The following EXOC4 variants were observed in gnomAD, a reference collection of about 807,000 sequenced individuals.
EXOC4 encodes SEC8-like 1.
A neutral mutation model predicts 107.2 loss-of-function variants in EXOC4; 71 were observed. That is an observed-to-expected ratio of 0.66 (90% CI 0.55 to 0.81). The LOEUF (loss-of-function observed/expected upper bound fraction) is 0.81, where lower values mean the gene tolerates loss of function less well. Among genes scored for constraint, EXOC4 ranks in the 30% least tolerant of loss-of-function variants. The pLI, the probability that EXOC4 is intolerant of heterozygous loss-of-function variation, is 0.00. For missense variants in EXOC4, 1,108 were observed against 1,189.6 expected (o/e 0.93, Z 1.01); for synonymous variants, 456 against 441.2 (o/e 1.03, Z -0.42).
At chr7:133,552,472 CAT>C (rs1800609606) in intron 9 of EXOC4, among the ~76,000 whole-genome samples, 1 of 152,122 alleles carries the variant, frequency 6.6e-6, no homozygotes, top group African/African-American at 2.4e-5. Context: ...TAATATCCAA[CAT>C]GTGAGAGAAA....
intron 10 of EXOC4, among the ~76,000 whole-genome samples, chr7:133,640,261 G>A (rs1465538902): frequency 6.6e-6 from 1 of 152,058 alleles, no homozygotes; most frequent in Non-Finnish European, 1.5e-5. Context: ...GATTGGTTTT[G>A]CCTATGGTTT....
chr7:133,931,161 AAGTTCT>A (rs1314843569), intron 13 of EXOC4, among the ~76,000 whole-genome samples: 51 of 152,194 alleles, frequency 3.4e-4, no homozygotes, highest in Middle Eastern at 3.2e-3. Flanking sequence ...TGAAAGGATC[AAGTTCT>A]TAGATAAACT....
intron 10 of EXOC4, among the ~76,000 whole-genome samples, chr7:133,748,058 C>T (rs1200282134): frequency 6.6e-6 from 1 of 152,192 alleles, no homozygotes; most frequent in South Asian, 2.1e-4. Context: ...TTTTCTCTTC[C>T]CGGGGGCATA....
chr7:133,814,989 G>A (rs1311517308), intron 10 of EXOC4, among the ~76,000 whole-genome samples: 1 of 152,016 alleles, frequency 6.6e-6, no homozygotes, highest in African/African-American at 2.4e-5. Flanking sequence ...AGAAATTGAA[G>A]TACAATACAG....
chr7:133,320,706 A>G (rs1480261038), intron 5 of EXOC4, among the ~76,000 whole-genome samples: 2 of 152,234 alleles, frequency 1.3e-5, no homozygotes, highest in Admixed American at 1.3e-4. Flanking sequence ...GCAAGTGTAA[A>G]AAATTTGACT....
intron 11 of EXOC4, among the ~76,000 whole-genome samples, chr7:133,834,687 C>T (rs1402619574): frequency 6.6e-6 from 1 of 152,206 alleles, no homozygotes; most frequent in Non-Finnish European, 1.5e-5. Flanking sequence ...AGAACTTTCT[C>T]CAACAGCCAG....
chr7:134,089,829 A>G, the EXOC4 span, among the ~76,000 whole-genome samples: 2 of 152,132 alleles, frequency 1.3e-5, no homozygotes, highest in African/African-American at 4.8e-5. Context: ...TTGCATAGCT[A>G]TGGGGTATGG....
At chr7:133,832,026 A>G (rs1797821638) in intron 11 of EXOC4, among the ~76,000 whole-genome samples, 2 of 152,166 alleles carry the variant, frequency 1.3e-5, no homozygotes, top group South Asian at 4.1e-4. Flanking sequence ...AGTCTAGTAT[A>G]CATGTGTAGC....
intron 10 of EXOC4, among the ~76,000 whole-genome samples, chr7:133,664,314 C>T (rs1793762531): frequency 6.6e-6 from 1 of 152,092 alleles, no homozygotes; most frequent in African/African-American, 2.4e-5. Context: ...GTTTTCGTAC[C>T]ACTTAGAATG....
At position 133,990,268 on chromosome 7, in the gene EXOC4, T is replaced by TCC. The variant is rs60183854; in HGVS notation, c.2207-7216_2207-7215dup. On this transcript the variant is annotated intron_variant, in intron 14 of 17. Transcript: ENST00000253861. Reference sequence around the variant, plus strand: ...TTGTGCCCATTAACTAACTTTCCCCTCCCCCCCCCACCCCTTTTTATTTCT... The same window carrying TCC: ...TTGTGCCCATTAACTAACTTTCCCCTCCCCCCCCCCCACCCCTTTTTATTTCT... 9.7e-3 allele frequency among the ~76,000 whole-genome samples: 1,067 copies of TCC among 110,082 alleles called. 10 individuals carry two copies. Among genetic ancestry groups the TCC allele is most frequent in the African/African-American group, 0.027 (771 of 28,148 alleles). The allele number at this position is 110,082 out of a possible 152,430, so 72.2% of individuals were successfully genotyped here.
intron 7 of EXOC4, among the ~76,000 whole-genome samples, chr7:133,437,871 G>T (rs1371457983): frequency 1.3e-5 from 2 of 152,112 alleles, no homozygotes; most frequent in Admixed American, 1.3e-4. Context: ...AAATTAAAAA[G>T]AATTAGTTCA....
chr7:134,077,531 A>G, the EXOC4 span, among the ~76,000 whole-genome samples: 1 of 152,266 alleles, frequency 6.6e-6, no homozygotes, highest in East Asian at 1.9e-4. Context: ...GAGAGACCTC[A>G]GGTTGAAACA....
intron 5 of EXOC4, among the ~76,000 whole-genome samples, chr7:133,319,711 C>T (rs1005344593): frequency 1.3e-5 from 2 of 152,094 alleles, no homozygotes; most frequent in African/African-American, 4.8e-5. Flanking sequence ...AAACTCCTGA[C>T]CTCAGGTAAT....
At chr7:133,971,334 G>GTATATATA (rs1206467959) in intron 14 of EXOC4, among the ~76,000 whole-genome samples, 1,001 of 41,478 alleles carry the variant, frequency 0.024, 22 homozygotes, top group South Asian at 0.035. Flanking sequence ...GGGAAAATGT[G>GTATATATA]TATATATATA....
intron 10 of EXOC4, among the ~76,000 whole-genome samples, chr7:133,678,968 C>T (rs1157723582): frequency 2.0e-5 from 3 of 152,130 alleles, no homozygotes; most frequent in Non-Finnish European, 4.4e-5. Flanking sequence ...TAATCTCATA[C>T]TTCTTTCAAT....
chr7:133,409,215 A>C (rs569259194), intron 7 of EXOC4, among the ~76,000 whole-genome samples: 6 of 152,326 alleles, frequency 3.9e-5, no homozygotes, highest in Admixed American at 6.5e-5. Flanking sequence ...CACTTTATTG[A>C]GGCTTTGTTT....
At chr7:133,978,828 A>G (rs1045196136) in intron 14 of EXOC4, among the ~76,000 whole-genome samples, 24 of 152,266 alleles carry the variant, frequency 1.6e-4, no homozygotes, top group Admixed American at 1.6e-3. Flanking sequence ...TTTGCCTTAC[A>G]CAGCTTTTGG....
intron 10 of EXOC4, among the ~76,000 whole-genome samples, chr7:133,680,590 C>T (rs912933296): frequency 1.3e-5 from 2 of 152,152 alleles, no homozygotes; most frequent in African/African-American, 4.8e-5. Context: ...CTCTCCACCC[C>T]CATCTTGTAA....
At chr7:134,005,763 A>G (rs926322452) in intron 16 of EXOC4, among the ~76,000 whole-genome samples, 1 of 152,174 alleles carries the variant, frequency 6.6e-6, no homozygotes, top group Non-Finnish European at 1.5e-5. Context: ...GAAAACTTGT[A>G]TCTGTGTTCT....
Sources: allele counts gnomAD v4.1 joint callset (sites outside exome capture counted in the v4.1 genomes callset), GRCh38; gene constraint gnomAD v4.1.1; transcripts MANE v1.5; gene names NCBI Gene and HGNC (gene_info 2026-07-23, HGNC 2026-07-21).